Variants in CNTN4 observed in about 807,000 individuals in gnomAD.
CNTN4 encodes contactin 4.
CNTN4 carries 77 observed loss-of-function variants against 122.5 expected under a neutral mutation model. The ratio of observed to expected loss-of-function variants is 0.63; its 90% CI spans 0.52 to 0.76. The LOEUF is 0.76. Ranked by LOEUF, CNTN4 falls within the 30% of genes least tolerant of loss-of-function variation. The pLI is 0.00. For synonymous variants in CNTN4, 512 were observed against 447.0 expected (o/e 1.15, Z -1.83); for missense variants, 1,256 against 1,259.1 (o/e 1.00, Z 0.04).
intron 4 of CNTN4, among the ~76,000 whole-genome samples, chr3:2,734,060 G>A (rs1193029976): frequency 6.6e-6 from 1 of 151,918 alleles, no homozygotes; most frequent in Non-Finnish European, 1.5e-5. Flanking sequence ...TTTGTTTTTT[G>A]TTGTTTTGTT....
At chr3:2,330,539 C>T (rs2043675571) in intron 2 of CNTN4, among the ~76,000 whole-genome samples, 1 of 152,038 alleles carries the variant, frequency 6.6e-6, no homozygotes, top group South Asian at 2.1e-4. Context: ...GAAATGAAGA[C>T]CAAATATATA....
At chr3:2,865,836 C>T (rs2093718075) in intron 7 of CNTN4, among the ~76,000 whole-genome samples, 1 of 152,152 alleles carries the variant, frequency 6.6e-6, no homozygotes, top group Non-Finnish European at 1.5e-5. Context: ...AAAACATTTA[C>T]CTAATTCTTA....
chr3:2,216,122 C>A (rs980883134), intron 2 of CNTN4, among the ~76,000 whole-genome samples: 2 of 152,028 alleles, frequency 1.3e-5, no homozygotes, highest in Non-Finnish European at 2.9e-5. Flanking sequence ...ATAGCAAAGA[C>A]ATGGAATCAG....
Position 2,945,690 on chromosome 3 carries a change from C to T in CNTN4, c.1358+19911C>T, listed in dbSNP as rs79042919. Among the ~76,000 whole-genome samples, 801 of 152,234 alleles carry T rather than the reference C, an allele frequency of 5.3e-3. 32 individuals are homozygous for T. The East Asian group carries it at 0.1, about 20-fold the overall frequency. The stretch of plus-strand genomic sequence containing the variant: ...TTCGACATCAGATCAATAAAACCAC[C>T]TCTTCGCCTAGTTCCTATGACTTTT... On this transcript the variant is annotated intron_variant, in intron 13 of 24. Transcript: ENST00000418658.
At chr3:2,337,819 A>G (rs1035567221) in intron 2 of CNTN4, among the ~76,000 whole-genome samples, 7 of 152,084 alleles carry the variant, frequency 4.6e-5, no homozygotes, top group African/African-American at 1.2e-4. Context: ...ACTTTGACCG[A>G]TGTCTGTAGG....
chr3:2,690,777 A>G (rs1175822277), intron 4 of CNTN4, among the ~76,000 whole-genome samples: 1 of 152,214 alleles, frequency 6.6e-6, no homozygotes, highest in Non-Finnish European at 1.5e-5. Flanking sequence ...ACACATGAAA[A>G]TTCTATGAAA....
At chr3:2,265,195 T>G (rs2040993481) in intron 2 of CNTN4, among the ~76,000 whole-genome samples, 1 of 107,388 alleles carries the variant, frequency 9.3e-6, no homozygotes, top group Non-Finnish European at 2.2e-5. Flanking sequence ...ATTATTTCGT[T>G]CCTTTTTATG....
chr3:2,487,776 T>C (rs1329414624), intron 3 of CNTN4, among the ~76,000 whole-genome samples: 1 of 152,208 alleles, frequency 6.6e-6, no homozygotes, highest in Non-Finnish European at 1.5e-5. Flanking sequence ...TACGCTTTCC[T>C]TTCATTTTCC....
chr3:2,119,794 G>A (rs1165526136), intron 2 of CNTN4, among the ~76,000 whole-genome samples: 1 of 152,164 alleles, frequency 6.6e-6, no homozygotes, highest in Non-Finnish European at 1.5e-5. Context: ...AAGAAAAGAA[G>A]TGGATATGGA....
At chr3:2,873,207 G>T (rs2093805964) in intron 8 of CNTN4, among the ~76,000 whole-genome samples, 1 of 152,146 alleles carries the variant, frequency 6.6e-6, no homozygotes, top group Non-Finnish European at 1.5e-5. Context: ...TATGCAAAAT[G>T]GGTGATTTAT....
chr3:2,841,245 A>G lies in CNTN4; in HGVS notation c.454+21664A>G, dbSNP rs111889757. On this transcript the variant is annotated intron_variant, in intron 7 of 24. Coordinates refer to ENST00000418658, the MANE Select transcript of CNTN4 (RefSeq NM_175607.3). This position sits in a 1 kb window ranked among gnomAD's most constrained non-coding sequence, Gnocchi z 4.8. ...ACAGCTGGGTGGATTTTAACTTTTA[A>G]CCCAGTTTTTCAGATGTGTTAATAT... Among the ~76,000 whole-genome samples the G allele has an allele frequency of 5.1e-3, 783 of 152,244 alleles. 11 individuals are homozygous for G. Among genetic ancestry groups the G allele is most frequent in the African/African-American group, 0.018 (746 of 41,556 alleles).
chr3:2,735,016 T>G (rs976588328), intron 4 of CNTN4, among the ~76,000 whole-genome samples: 3 of 152,230 alleles, frequency 2.0e-5, no homozygotes, highest in African/African-American at 7.2e-5. Context: ...CAGATTCTTA[T>G]TGATCACCGT....
At chr3:2,968,308 G>A (rs1249657036) in intron 13 of CNTN4, among the ~76,000 whole-genome samples, 2 of 152,092 alleles carry the variant, frequency 1.3e-5, no homozygotes, top group Non-Finnish European at 2.9e-5. Flanking sequence ...TGCCTAAACA[G>A]CCAAAGAAGC....
intron 2 of CNTN4, among the ~76,000 whole-genome samples, chr3:2,257,924 G>A (rs918238810): frequency 6.6e-6 from 1 of 152,072 alleles, no homozygotes; most frequent in African/African-American, 2.4e-5. Flanking sequence ...TTAGCCAGGC[G>A]TGGTGGTGCA....
At chr3:2,410,682 A>T (rs1474739427) in intron 3 of CNTN4, among the ~76,000 whole-genome samples, 1 of 152,174 alleles carries the variant, frequency 6.6e-6, no homozygotes, top group African/African-American at 2.4e-5. Context: ...CAGCACAGAA[A>T]ACCAATTTCA....
chr3:2,729,377 A>G lies in CNTN4; in HGVS notation c.56-6838A>G, dbSNP rs56215522. ...CAGGAGATTGAGACCATCCCGGCTA[A>G]CACAAAATTAACAAAAAATTAGCCG... On this transcript the variant is annotated intron_variant, in intron 4 of 24. Transcript: ENST00000418658. 3.4e-3 allele frequency among the ~76,000 whole-genome samples: 510 copies of G among 149,344 alleles called. 1 individual carries two copies. Among genetic ancestry groups the G allele is most frequent in the Non-Finnish European group, 5.0e-3 (338 of 67,834 alleles).
chr3:2,741,897 T>C (rs2089476083), intron 5 of CNTN4, among the ~76,000 whole-genome samples: 1 of 152,266 alleles, frequency 6.6e-6, no homozygotes, highest in Non-Finnish European at 1.5e-5. Flanking sequence ...ATTATGTTTT[T>C]AGATTTCCAG....
intron 7 of CNTN4, among the ~76,000 whole-genome samples, chr3:2,837,025 T>TGA (rs2093241932): frequency 6.6e-6 from 1 of 152,222 alleles, no homozygotes; most frequent in Admixed American, 6.5e-5. Flanking sequence ...TGGGTGATGA[T>TGA]ACATGAAGGT....
chr3:2,387,956 A>G (rs541574686), intron 3 of CNTN4, among the ~76,000 whole-genome samples: 1 of 152,364 alleles, frequency 6.6e-6, no homozygotes, highest in Admixed American at 6.5e-5. Context: ...CGTCTTGGAA[A>G]AGCCTGTGTA....
Sources: allele counts gnomAD v4.1 joint callset (sites outside exome capture counted in the v4.1 genomes callset), GRCh38; gene constraint gnomAD v4.1.1; non-coding constraint Gnocchi (gnomAD v3.1); transcripts MANE v1.5; gene names NCBI Gene and HGNC (gene_info 2026-07-23, HGNC 2026-07-21).